The following ADCY3 variants were observed in gnomAD, a reference collection of about 807,000 sequenced individuals.
ADCY3 encodes adenylate cyclase 3, also known as adenylate cyclase type 3.
Under a neutral mutation model 119.4 loss-of-function variants are expected in ADCY3, and 70 were observed. The observed-to-expected ratio is 0.59, with a 90% CI of 0.48 to 0.72. ADCY3 has a LOEUF of 0.72. Ranked by LOEUF, ADCY3 falls within the 30% of genes least tolerant of loss-of-function variation. ADCY3 has a pLI of 0.00. For synonymous variants in ADCY3, 672 were observed against 621.4 expected (o/e 1.08, Z -1.21); for missense variants, 1,238 against 1,541.6 (o/e 0.80, Z 3.30).
At chr2:24,867,813 A>G (rs1330738375) in intron 3 of ADCY3, among the ~76,000 whole-genome samples, 3 of 152,224 alleles carry the variant, frequency 2.0e-5, no homozygotes, top group Non-Finnish European at 4.4e-5. Context: ...AGAATATTAC[A>G]TAAAATAATC....
intron 2 of ADCY3, among the ~76,000 whole-genome samples, chr2:24,874,402 A>G (rs890083982): frequency 1.3e-5 from 2 of 152,184 alleles, no homozygotes; most frequent in Non-Finnish European, 2.9e-5. Context: ...GGTCAGTACC[A>G]TATGTCCTCA....
At chr2:24,843,574 C>T (rs1003112460) in intron 3 of ADCY3, among the ~76,000 whole-genome samples, 3 of 152,200 alleles carry the variant, frequency 2.0e-5, no homozygotes, top group Admixed American at 6.5e-5. Context: ...GGGGTAGATG[C>T]GACAGAGACC....
intron 7 of ADCY3, chr2:24,838,927 A>G: frequency 1.3e-6 from 2 of 1,528,848 alleles, no homozygotes; most frequent in Admixed American, 3.6e-5. Context: ...AAAGCAGATC[A>G]AATGCGATAA....
chr2:24,877,136 C>T (rs1396863494), intron 2 of ADCY3, among the ~76,000 whole-genome samples: 2 of 152,254 alleles, frequency 1.3e-5, no homozygotes, highest in Admixed American at 6.5e-5. Flanking sequence ...CCACACATGG[C>T]CCTGCCACTG....
intron 11 of ADCY3, 101 bp from the exon 12 acceptor site, chr2:24,831,850 G>C (rs1474697707): frequency 9.5e-6 from 4 of 422,788 alleles, no homozygotes; most frequent in East Asian, 1.7e-4. Flanking sequence ...GGGGCCAGGG[G>C]ACAGCGGACA....
chr2:24,878,194 C>T lies in ADCY3; in HGVS notation c.676-5475G>A, dbSNP rs993129533. On this transcript the variant is annotated intron_variant, in intron 2 of 21. Coordinates refer to ENST00000679454, the MANE Select transcript of ADCY3 (RefSeq NM_004036.5). This position sits in a 1 kb window ranked among gnomAD's most constrained non-coding sequence, Gnocchi z 4.0. ...TCTCCCAAATGGATAAACACTTGGA[C>T]TAAAGTGTCATCTAACCCATGACAG... Among the ~76,000 whole-genome samples, 4 of 152,194 alleles carry T rather than the reference C, an allele frequency of 2.6e-5. No homozygotes were observed. The highest frequency in any genetic ancestry group is 4.4e-5 in the Non-Finnish European group (3 of 68,030).
chr2:24,828,005 G>A lies in ADCY3; in HGVS notation c.2329C>T (p.Leu777Phe), dbSNP rs2148431999. 2.5e-6 allele frequency: 4 copies of A among 1,614,270 alleles called. No homozygotes were observed. The highest frequency in any genetic ancestry group is 4.5e-5 in the East Asian group (2 of 44,888). Residue 777 changes from leucine to phenylalanine, a missense_variant, in exon 14 of 22, where the codon CTC becomes TTC. By Grantham distance (22) the Leu-to-Phe change is conservative. Coordinates refer to ENST00000679454, the MANE Select transcript of ADCY3 (RefSeq NM_004036.5). The stretch of plus-strand genomic sequence containing the variant: ...CCTGCGACGAGCAGCATGAGCGTGA[G>A]CTTCACCATGTGGCTGACCTGCACC... ...MLVQVSHMVK[L>F]TLMLLVAGAV...
chr2:24,826,137 G>A lies in ADCY3; in HGVS notation c.2496-11C>T. On this transcript the variant is annotated splice_polypyrimidine_tract_variant and intron_variant, in intron 15 of 21. Transcript: ENST00000679454. ...GGCACCAGGGGCAGCCTGCTGGGCA[G>A]AGCGTGTGCAACTGAAAGGGCTGTC... 1 of 1,613,356 alleles carries A rather than the reference G, an allele frequency of 6.2e-7. No homozygotes were observed. The highest frequency in any genetic ancestry group is 8.5e-7 in the Non-Finnish European group (1 of 1,179,428).
At chr2:24,914,257 A>G (rs1038195156) in intron 2 of ADCY3, among the ~76,000 whole-genome samples, 5 of 152,178 alleles carry the variant, frequency 3.3e-5, no homozygotes, top group Admixed American at 3.3e-4. Context: ...AGCAGCAATC[A>G]GTGCTCCATG....
In ADCY3 at chr2:24,834,411, ACACCTGCCCCCGCCC is replaced by A; in HGVS notation, c.1967+59_1967+73del. The A allele has an allele frequency of 8.1e-7, 1 of 1,237,218 alleles. No homozygotes were observed. Among genetic ancestry groups the A allele is most frequent in the Non-Finnish European group, 1.1e-6 (1 of 885,546 alleles). 76.6% of individuals were successfully genotyped at this position (1,237,218 alleles called of 1,614,324 possible). A position where few individuals can be genotyped will look rare whatever the true frequency, so the allele number is the denominator to read the frequency against. ...TCCCCAATGTCAGGCTCCCGCTGAG[ACACCTGCCCCCGCCC>A]CCCGCCCGGCACCACCGCAGCCGAG... On this transcript the variant is annotated intron_variant, in intron 11 of 21. Transcript: ENST00000679454. The surrounding 1 kb of genome is among the most constrained non-coding windows in gnomAD (Gnocchi z 4.2).
At chr2:24,884,473 T>C (rs4558546) in intron 2 of ADCY3, among the ~76,000 whole-genome samples, 4 of 126,916 alleles carry the variant, frequency 3.2e-5, no homozygotes. Context: ...CTAATAATCT[T>C]TTTTTTTTTT....
At chr2:24,832,062 G>A (rs1448977961) in intron 11 of ADCY3, 1 of 53,106 alleles carries the variant, frequency 1.9e-5, no homozygotes, top group Non-Finnish European at 4.7e-5. Context: ...GGGGGAAGGG[G>A]GCAGGGGGCA....
chr2:24,857,784 A>G (rs1673187190), intron 3 of ADCY3, among the ~76,000 whole-genome samples: 1 of 152,100 alleles, frequency 6.6e-6, no homozygotes. Flanking sequence ...CTGGGCATAA[A>G]GGCCCAAGAA....
At chr2:24,843,094 C>G (rs1235517989) in intron 3 of ADCY3, among the ~76,000 whole-genome samples, 1 of 152,206 alleles carries the variant, frequency 6.6e-6, no homozygotes, top group Non-Finnish European at 1.5e-5. Context: ...GCCGTGTACA[C>G]AAACGCACAG....
intron 9 of ADCY3, among the ~76,000 whole-genome samples, chr2:24,835,388 T>G (rs1192998955): frequency 1.3e-5 from 2 of 152,136 alleles, no homozygotes; most frequent in Non-Finnish European, 2.9e-5. Flanking sequence ...CACATCTGGC[T>G]CATTTGGAAA....
chr2:24,871,276 T>G (rs527702825), intron 3 of ADCY3, among the ~76,000 whole-genome samples: 1 of 151,446 alleles, frequency 6.6e-6, no homozygotes, highest in Non-Finnish European at 1.5e-5. Flanking sequence ...GAAAGGAGGA[T>G]TCTTTAAATA....
In ADCY3 at chr2:24,833,099, A is replaced by G. The variant is rs561270296; in HGVS notation, c.1968-1350T>C. ...ACCACAGTGGCTTGTCTGGGCCGCT[A>G]TTTGGTCTCACTGCTCCCGCTGTGC... On this transcript the variant is annotated intron_variant, in intron 11 of 21. Coordinates refer to ENST00000679454, the MANE Select transcript of ADCY3 (RefSeq NM_004036.5). Among the ~76,000 whole-genome samples, 5 of 152,262 alleles carry G rather than the reference A, an allele frequency of 3.3e-5. No individual in the cohort carries two copies. The East Asian group carries it at 7.7e-4, about 24-fold the overall frequency.
intron 6 of ADCY3, 113 bp from the exon 7 acceptor site, chr2:24,840,144 GGCCTGGC>G: frequency 1.4e-6 from 2 of 1,391,516 alleles, no homozygotes; most frequent in Non-Finnish European, 1.9e-6. Flanking sequence ...CACAAGAGGG[GGCCTGGC>G]AAGGTCCCCA....
chr2:24,841,245 GGCATC>G lies in ADCY3; in HGVS notation c.1196+9_1196+13del. 6.5e-7 allele frequency: 1 copy of G among 1,549,452 alleles called. No homozygotes were observed. Among genetic ancestry groups the G allele is most frequent in the Non-Finnish European group, 8.7e-7 (1 of 1,146,558 alleles). On this transcript the variant is annotated intron_variant, in intron 6 of 21. Transcript: ENST00000679454. This position sits in a 1 kb window ranked among gnomAD's most constrained non-coding sequence, Gnocchi z 5.8. ...TTGCTCTGGGAGCCTCCCTCCCAGA[GGCATC>G]CCACTTACGAGATGGCCTCCACCAT...
Sources: gnomAD v4.1 joint callset for allele counts (sites outside exome capture counted in the v4.1 genomes callset) on GRCh38, gnomAD v4.1.1 for gene constraint, Gnocchi (gnomAD v3.1) non-coding constraint, MANE v1.5 for transcripts, NCBI Gene and HGNC (gene_info 2026-07-23, HGNC 2026-07-21) for gene names.